Variants in ATG7 observed in about 807,000 individuals in gnomAD.
ATG7 encodes autophagy related 7, also known as ubiquitin-like modifier-activating enzyme ATG7.
A neutral mutation model predicts 82.4 loss-of-function variants in ATG7; 70 were observed. The ratio of observed to expected loss-of-function variants is 0.85; its 90% CI spans 0.70 to 1.04. ATG7 has a LOEUF of 1.04. Ranked by LOEUF, ATG7 falls within the 50% of genes least tolerant of loss-of-function variation. The pLI is 0.00. For missense variants in ATG7, 792 were observed against 864.3 expected, an observed-to-expected ratio of 0.92 and a Z score of 1.05; for synonymous variants, 287 against 313.0, an observed-to-expected ratio of 0.92 and a Z score of 0.88.
At chr3:11,563,658 C>G in the ATG7 span, among the ~76,000 whole-genome samples, 1 of 152,230 alleles carries the variant, frequency 6.6e-6, no homozygotes, top group African/African-American at 2.4e-5. Context: ...TCAGACACAT[C>G]AGCGATCTCT....
intron 9 of ATG7, among the ~76,000 whole-genome samples, chr3:11,317,014 G>A (rs1327445800): frequency 6.6e-6 from 1 of 151,508 alleles, no homozygotes; most frequent in African/African-American, 2.4e-5. Flanking sequence ...CTTTTTTGTT[G>A]TATTTTTATT....
intron 20 of ATG7, 31 bp from the exon 21 acceptor site, chr3:11,554,780 C>G: frequency 6.2e-7 from 1 of 1,612,112 alleles, no homozygotes; most frequent in East Asian, 2.2e-5. Flanking sequence ...AGTGGGACAT[C>G]TCGGCTGAGC....
chr3:11,512,835 A>G (rs1046587290), intron 20 of ATG7, among the ~76,000 whole-genome samples: 6 of 152,190 alleles, frequency 3.9e-5, no homozygotes, highest in Non-Finnish European at 7.3e-5. Context: ...GGCCCCACCC[A>G]CATCCTGCTG....
At chr3:11,552,766 G>A (rs753130253) in intron 20 of ATG7, among the ~76,000 whole-genome samples, 1 of 152,144 alleles carries the variant, frequency 6.6e-6, no homozygotes, top group Non-Finnish European at 1.5e-5. Flanking sequence ...GCATCCCCTC[G>A]AGTGGCTCAA....
intron 18 of ATG7, among the ~76,000 whole-genome samples, chr3:11,375,899 A>T (rs1265365276): frequency 6.6e-6 from 1 of 152,234 alleles, no homozygotes; most frequent in Non-Finnish European, 1.5e-5. Context: ...ACAAGTTGGC[A>T]GTTCCTCAAA....
intron 20 of ATG7, among the ~76,000 whole-genome samples, chr3:11,442,739 C>CCAAAAAAAAAAAAAAAAAAAAAAAAAA (rs1553668928): frequency 4.3e-5 from 3 of 69,252 alleles, no homozygotes; most frequent in African/African-American, 5.7e-5. Context: ...TCCATCTCTA[C>CCAAAAAAAAAAAAAAAAAAAAAAAAAA]AAAAAAAAAA....
the ATG7 span, among the ~76,000 whole-genome samples, chr3:11,570,855 G>A: frequency 6.6e-6 from 1 of 152,152 alleles, no homozygotes; most frequent in African/African-American, 2.4e-5. Flanking sequence ...ACACACAGGA[G>A]TGAACTCATC....
chr3:11,397,800 C>T (rs1047390094), intron 19 of ATG7, among the ~76,000 whole-genome samples: 38 of 143,820 alleles, frequency 2.6e-4, no homozygotes, highest in African/African-American at 3.8e-4. Context: ...TTTAATGAAT[C>T]GGCTGGGCGC....
chr3:11,417,805 A>ATTATTTTTTTTTTTTTTTTTTTTT lies in ATG7; in HGVS notation c.1957-8997_1957-8996insATTTTTTTTTTTTTTTTTTTTTTT, dbSNP rs1559578331. Among the ~76,000 whole-genome samples the ATTATTTTTTTTTTTTTTTTTTTTT allele has an allele frequency of 5.7e-5, 3 of 52,742 alleles. 1 individual carries two copies. Among genetic ancestry groups the ATTATTTTTTTTTTTTTTTTTTTTT allele is most frequent in the Non-Finnish European group, 1.3e-4 (3 of 23,236 alleles). 34.6% of individuals were successfully genotyped at this position (52,742 alleles called of 152,430 possible). On this transcript the variant is annotated intron_variant, in intron 19 of 20. Transcript: ENST00000693202. ...AAAAAATTATTATTATTATTATTTT[A>ATTATTTTTTTTTTTTTTTTTTTTT]TTTTATTTTATTTTTTTTTTTTTTG...
chr3:11,430,462 T>C (rs183528113), intron 20 of ATG7, among the ~76,000 whole-genome samples: 26 of 152,352 alleles, frequency 1.7e-4, no homozygotes, highest in South Asian at 6.2e-4. Flanking sequence ...TCTCCACTTA[T>C]TTATTTTAGC....
At chr3:11,552,436 A>T (rs1218519559) in intron 20 of ATG7, among the ~76,000 whole-genome samples, 1 of 152,122 alleles carries the variant, frequency 6.6e-6, no homozygotes, top group Non-Finnish European at 1.5e-5. Flanking sequence ...CACCAGTTGC[A>T]CTGCCAAGGA....
At chr3:11,517,048 A>T (rs532553354) in intron 20 of ATG7, among the ~76,000 whole-genome samples, 2 of 152,222 alleles carry the variant, frequency 1.3e-5, no homozygotes, top group South Asian at 4.1e-4. Flanking sequence ...GCACCACCAC[A>T]CTCTAGCCTG....
rs954621219 is a variant in ATG7 at position 11,555,919 on chromosome 3, A to G, written c.*1076A>G. On this transcript the variant is annotated 3_prime_UTR_variant, in exon 21 of 21. Transcript: ENST00000693202. Reference sequence around the variant, plus strand: ...GTAGGATTTAGTAGGGTAGATTTCAAATGAGGCTTCGCTTCTCCCAAAGTA... The same window carrying G: ...GTAGGATTTAGTAGGGTAGATTTCAGATGAGGCTTCGCTTCTCCCAAAGTA... 2.6e-5 allele frequency: 4 copies of G among 152,492 alleles called. No individual in the cohort carries two copies. The highest frequency in any genetic ancestry group is 7.2e-5 in the African/African-American group (3 of 41,422). The allele number at this position is 152,492 out of a possible 1,614,324, so 9.4% of individuals were successfully genotyped here. A position where few individuals can be genotyped will look rare whatever the true frequency, so the allele number is the denominator to read the frequency against.
intron 3 of ATG7, chr3:11,290,314 C>G (rs1166520270): frequency 6.4e-6 from 1 of 156,696 alleles, no homozygotes; most frequent in Non-Finnish European, 1.4e-5. Context: ...AGCACCTGGA[C>G]TGCCGCCTGG....
chr3:11,478,228 G>A (rs1394572652), intron 20 of ATG7, among the ~76,000 whole-genome samples: 2 of 152,082 alleles, frequency 1.3e-5, no homozygotes, highest in Non-Finnish European at 2.9e-5. Flanking sequence ...AAAATCTAAA[G>A]TATCCAAACT....
intron 20 of ATG7, among the ~76,000 whole-genome samples, chr3:11,527,017 G>GTA (rs1359899901): frequency 2.1e-5 from 3 of 145,726 alleles, no homozygotes; most frequent in African/African-American, 5.0e-5. Context: ...TATATATATA[G>GTA]TATATATATG....
intron 11 of ATG7, among the ~76,000 whole-genome samples, chr3:11,334,953 CAAAAAAAAA>C (rs57211483): frequency 3.3e-5 from 4 of 119,600 alleles, no homozygotes; most frequent in East Asian, 2.4e-4. Flanking sequence ...GACTCTGTCT[CAAAAAAAAA>C]AAAAAAAAAA....
intron 20 of ATG7, among the ~76,000 whole-genome samples, chr3:11,447,235 G>T (rs1010269171): frequency 1.1e-4 from 17 of 152,220 alleles, no homozygotes; most frequent in African/African-American, 2.2e-4. Context: ...GGAGGCTGAG[G>T]CGGGTGGATC....
At chr3:11,334,103 C>T (rs184308963) in intron 11 of ATG7, among the ~76,000 whole-genome samples, 65 of 152,152 alleles carry the variant, frequency 4.3e-4, no homozygotes, top group African/African-American at 9.4e-4. Context: ...AGTCAGAGCA[C>T]GATGTCTGGC....
Sources: allele counts gnomAD v4.1 joint callset (sites outside exome capture counted in the v4.1 genomes callset), GRCh38; gene constraint gnomAD v4.1.1; transcripts MANE v1.5; gene names NCBI Gene and HGNC (gene_info 2026-07-23, HGNC 2026-07-21).